Variants in FBXO42 observed in about 807,000 individuals in gnomAD.
FBXO42 encodes F-box only protein 42.
A neutral mutation model predicts 71.7 loss-of-function variants in FBXO42; 12 were observed. The ratio of observed to expected loss-of-function variants is 0.17; its 90% CI spans 0.11 to 0.27. FBXO42 has a LOEUF of 0.27. FBXO42 is among the 10% of genes least tolerant of loss of function. The pLI is 1.00. For synonymous variants in FBXO42, 325 were observed against 327.5 expected (o/e 0.99, Z 0.08); for missense variants, 707 against 911.9 (o/e 0.78, Z 2.89).
chr1:16,304,465 T>A (rs1322927143), intron 3 of FBXO42, among the ~76,000 whole-genome samples: 1 of 152,094 alleles, frequency 6.6e-6, no homozygotes, highest in Non-Finnish European at 1.5e-5. Flanking sequence ...AAAATTTTTG[T>A]AGGAGTCCAT....
At chr1:16,338,798 A>ATT (rs2082576377) in intron 1 of FBXO42, among the ~76,000 whole-genome samples, 1 of 114,636 alleles carries the variant, frequency 8.7e-6, no homozygotes. Context: ...TTTTATTTCC[A>ATT]TTTGTCTTTT....
Position 16,247,556 on chromosome 1 carries a change from CTCT to C in FBXO42, c.*3111_*3113del, listed in dbSNP as rs780140736. The C allele has an allele frequency of 1.3e-5, 2 of 152,298 alleles. No individual in the cohort carries two copies. The highest frequency in any genetic ancestry group is 1.9e-4 in the East Asian group (1 of 5,186). 9.4% of individuals were successfully genotyped at this position (152,298 alleles called of 1,614,324 possible). On this transcript the variant is annotated 3_prime_UTR_variant, in exon 10 of 10. Coordinates refer to ENST00000375592, the MANE Select transcript of FBXO42 (RefSeq NM_018994.3). ...GTTTTCTTTCTTCCTCCTCCTCCTC[CTCT>C]TTTCTTTATTTTAAAGAGTTCCAAC...
At chr1:16,344,316 A>C (rs1168320428) in intron 1 of FBXO42, among the ~76,000 whole-genome samples, 1 of 142,074 alleles carries the variant, frequency 7.0e-6, no homozygotes, top group East Asian at 2.0e-4. Flanking sequence ...AATATGGAAT[A>C]TATATAATTT....
At chr1:16,287,932 C>T (rs983829702) in intron 4 of FBXO42, among the ~76,000 whole-genome samples, 2 of 151,928 alleles carry the variant, frequency 1.3e-5, no homozygotes, top group African/African-American at 4.8e-5. Context: ...TGATGAAACC[C>T]TGTCTCTATT....
At chr1:16,335,345 C>T (rs1160275837) in intron 1 of FBXO42, among the ~76,000 whole-genome samples, 2 of 152,068 alleles carry the variant, frequency 1.3e-5, no homozygotes, top group Non-Finnish European at 2.9e-5. Flanking sequence ...GCCACATCGC[C>T]CAGGCTGGTC....
intron 1 of FBXO42, among the ~76,000 whole-genome samples, chr1:16,316,185 A>G (rs1319533785): frequency 6.6e-6 from 1 of 151,256 alleles, no homozygotes; most frequent in Non-Finnish European, 1.5e-5. Context: ...AAAAAAAAAA[A>G]AAGAAAGAAA....
chr1:16,313,324 C>CAAAGAAAG (rs57296538), intron 2 of FBXO42, among the ~76,000 whole-genome samples: 3,988 of 137,724 alleles, frequency 0.029, 167 homozygotes, highest in African/African-American at 0.084. Context: ...GAAAAGAAAA[C>CAAAGAAAG]AAAGAAAGAA....
At chr1:16,287,364 A>G (rs1487844804) in intron 4 of FBXO42, among the ~76,000 whole-genome samples, 1 of 152,178 alleles carries the variant, frequency 6.6e-6, no homozygotes, top group Admixed American at 6.5e-5. Context: ...TAGTTTCTCA[A>G]TAGCACTTTC....
At position 16,252,407 on chromosome 1, in the gene FBXO42, G is replaced by GT. The variant is rs2081602624; in HGVS notation, c.922-4dup. ...AACAACCAAGCATCCTTGAATAGCT[G>GT]TAAGAGAAAAAACCAATAACAAGAC... On this transcript the variant is annotated splice_polypyrimidine_tract_variant and splice_region_variant and intron_variant, in intron 8 of 9. Transcript: ENST00000375592. The surrounding 1 kb of genome is among the most constrained non-coding windows in gnomAD (Gnocchi z 4.4). The GT allele has an allele frequency of 6.2e-7, 1 of 1,611,242 alleles. No individual in the cohort carries two copies. Among genetic ancestry groups the GT allele is most frequent in the South Asian group, 1.1e-5 (1 of 91,030 alleles).
At chr1:16,255,094 G>C (rs932237447) in intron 6 of FBXO42, among the ~76,000 whole-genome samples, 7 of 152,168 alleles carry the variant, frequency 4.6e-5, no homozygotes, top group Non-Finnish European at 1.0e-4. Context: ...ATAAGTAAAA[G>C]CATTCTGTTC....
intron 1 of FBXO42, among the ~76,000 whole-genome samples, chr1:16,332,011 T>C (rs936061171): frequency 6.6e-6 from 1 of 151,890 alleles, no homozygotes; most frequent in Non-Finnish European, 1.5e-5. Flanking sequence ...ATCGTGCCAT[T>C]GCACTCCAGT....
intron 4 of FBXO42, among the ~76,000 whole-genome samples, chr1:16,276,038 T>C (rs1203670469): frequency 6.6e-6 from 1 of 151,944 alleles, no homozygotes; most frequent in Non-Finnish European, 1.5e-5. Context: ...AAACGACCCA[T>C]CACAGCTCTT....
chr1:16,322,660 C>T (rs991864395), intron 1 of FBXO42, among the ~76,000 whole-genome samples: 1 of 152,106 alleles, frequency 6.6e-6, no homozygotes, highest in African/African-American at 2.4e-5. Context: ...GTCTGAATGC[C>T]TTACCCTTCT....
At chr1:16,313,324 C>CAAAG (rs57296538) in intron 2 of FBXO42, among the ~76,000 whole-genome samples, 7,591 of 137,686 alleles carry the variant, frequency 0.055, 304 homozygotes, top group African/African-American at 0.11. Flanking sequence ...GAAAAGAAAA[C>CAAAG]AAAGAAAGAA....
chr1:16,344,360 C>A (rs1384412319), intron 1 of FBXO42, among the ~76,000 whole-genome samples: 2 of 150,428 alleles, frequency 1.3e-5, no homozygotes, highest in African/African-American at 4.9e-5. Flanking sequence ...ACTCTACCGC[C>A]CAGGCTGGAG....
At chr1:16,255,460 A>G (rs2014776) in intron 6 of FBXO42, among the ~76,000 whole-genome samples, 53,687 of 151,734 alleles carry the variant, frequency 0.35, 10,003 homozygotes, top group African/African-American at 0.42. Flanking sequence ...TTAGTCTCCC[A>G]AGTAACTGGG....
chr1:16,299,512 C>G (rs996111084), intron 3 of FBXO42, among the ~76,000 whole-genome samples: 3 of 152,174 alleles, frequency 2.0e-5, no homozygotes, highest in Non-Finnish European at 4.4e-5. Context: ...GTTTCACACA[C>G]TACTGTATTT....
intron 1 of FBXO42, among the ~76,000 whole-genome samples, chr1:16,316,520 T>G (rs2082367590): frequency 6.6e-6 from 1 of 151,456 alleles, no homozygotes; most frequent in Admixed American, 6.6e-5. Context: ...CAGATCACCT[T>G]AGGTCAGGAG....
At chr1:16,290,973 A>G (rs1273866396) in intron 4 of FBXO42, among the ~76,000 whole-genome samples, 1 of 152,218 alleles carries the variant, frequency 6.6e-6, no homozygotes, top group African/African-American at 2.4e-5. Flanking sequence ...ACACATGTAA[A>G]AAGACATCTG....
Sources: gnomAD v4.1 joint callset for allele counts (sites outside exome capture counted in the v4.1 genomes callset) on GRCh38, gnomAD v4.1.1 for gene constraint, Gnocchi (gnomAD v3.1) non-coding constraint, MANE v1.5 for transcripts, NCBI Gene and HGNC (gene_info 2026-07-23, HGNC 2026-07-21) for gene names.